The following MYH11 variants were observed in gnomAD, a reference collection of about 807,000 sequenced individuals.
MYH11 encodes the protein myosin heavy chain 11.
Under a neutral mutation model 246.6 loss-of-function variants are expected in MYH11, and 80 were observed. That is an observed-to-expected ratio of 0.32 (90% CI 0.27 to 0.39). The LOEUF is 0.39. Among genes scored for constraint, MYH11 ranks in the 10% least tolerant of loss-of-function variants. MYH11 has a pLI of 1.00. For synonymous variants in MYH11, 1,071 were observed against 1,015.5 expected (o/e 1.05, Z -1.04); for missense variants, 2,158 against 2,546.8 (o/e 0.85, Z 3.29).
intron 8 of MYH11, among the ~76,000 whole-genome samples, chr16:15,773,788 C>T (rs904632161): frequency 6.6e-6 from 1 of 152,290 alleles, no homozygotes; most frequent in South Asian, 2.1e-4. Context: ...AAGTCTAAAA[C>T]GTTTACTACT....
chr16:15,751,517 C>T (rs1482114641), intron 15 of MYH11, among the ~76,000 whole-genome samples: 1 of 151,746 alleles, frequency 6.6e-6, no homozygotes, highest in Non-Finnish European at 1.5e-5. Flanking sequence ...TCTTTTTCTA[C>T]CAGCCCAGCA....
rs540461703 is a variant in MYH11, at chr16:15,718,276, CAGT to C, written c.5295+36_5295+38del. Reference sequence around the variant, plus strand: ...GTGCAGGATCCTGCTGCAGGAGAGACAGTAGGCAGCGTGACTGTGGTGTCCAGG... The same window carrying C: ...GTGCAGGATCCTGCTGCAGGAGAGACAGGCAGCGTGACTGTGGTGTCCAGG... On this transcript the variant is annotated intron_variant, in intron 37 of 40. Coordinates refer to ENST00000300036, the MANE Select transcript of MYH11 (RefSeq NM_002474.3). 7.0e-5 allele frequency: 112 copies of C among 1,605,690 alleles called. No individual in the cohort carries two copies. In the African/African-American group the frequency reaches 1.3e-3, roughly 18 times the overall value.
intron 3 of MYH11, among the ~76,000 whole-genome samples, chr16:15,812,404 G>C (rs2043158229): frequency 6.6e-6 from 1 of 151,782 alleles, no homozygotes; most frequent in Non-Finnish European, 1.5e-5. Context: ...GCACCACGAA[G>C]ATAAACATCA....
chr16:15,834,242 A>G (rs772792521), intron 2 of MYH11, among the ~76,000 whole-genome samples: 6 of 151,938 alleles, frequency 3.9e-5, no homozygotes, highest in Non-Finnish European at 7.4e-5. Flanking sequence ...TATCCAACAT[A>G]CTGGCTGGGC....
intron 5 of MYH11, among the ~76,000 whole-genome samples, chr16:15,784,465 G>A (rs1171759419): frequency 6.6e-6 from 1 of 152,070 alleles, no homozygotes; most frequent in East Asian, 1.9e-4. Context: ...GCGCAACCCT[G>A]GGGACTCCAA....
chr16:15,741,411 T>C, intron 22 of MYH11, 52 bp downstream of exon 22: 7 of 1,575,812 alleles, frequency 4.4e-6, no homozygotes, highest in Non-Finnish European at 6.1e-6. Flanking sequence ...AGGCCTGTGG[T>C]GAGGGTCAAG....
intron 4 of MYH11, among the ~76,000 whole-genome samples, chr16:15,798,194 C>G (rs1268605967): frequency 6.6e-6 from 1 of 152,128 alleles, no homozygotes; most frequent in Non-Finnish European, 1.5e-5. Context: ...GCCTATGTAC[C>G]TAGGTCTTCA....
chr16:15,800,510 G>A lies in MYH11; in HGVS notation c.503-1823C>T, dbSNP rs149597731. 1.6e-4 allele frequency among the ~76,000 whole-genome samples: 25 copies of A among 151,870 alleles called. No homozygotes were observed. In the East Asian group the frequency reaches 2.0e-3, roughly 12 times the overall value. ...TAGCTGGTTGGACGGATGGTTGGAC[G>A]GAGGAGGGAAGGATGAGTGAGTGGA... is the stretch of plus-strand genomic sequence containing the variant. On this transcript the variant is annotated intron_variant, in intron 3 of 40. Transcript: ENST00000300036.
Position 15,750,328 on chromosome 16 carries a change from T to C in MYH11, c.1868A>G (p.Asp623Gly), listed in dbSNP as rs751232816. The C allele has an allele frequency of 1.3e-5, 20 of 1,599,354 alleles. No homozygotes were observed. In the East Asian group the frequency reaches 4.3e-4, roughly 34 times the overall value. ...KFVADLWKDVDRIVGLDQMAK... is the reference protein window; with the variant it reads ...KFVADLWKDVGRIVGLDQMAK... ...CATCTGGTCCAGGCCCACGATGCGG[T>C]CCACTATGGGGCACAGCCAGGGTGG... Residue 623 changes from aspartate to glycine, a missense_variant, in exon 16 of 41, where the codon GAC becomes GGC. By Grantham distance (94) the Asp-to-Gly change is moderately conservative (BLOSUM62 -1). Around this residue, in one of 11 missense-constraint regions of MYH11, gnomAD observed 317 missense variants for 507.7 expected, o/e 0.62. Coordinates refer to ENST00000300036, the MANE Select transcript of MYH11 (RefSeq NM_002474.3). The surrounding 1 kb of genome is among the most constrained non-coding windows in gnomAD (Gnocchi z 4.3).
chr16:15,832,342 G>A (rs1042324975), intron 2 of MYH11, among the ~76,000 whole-genome samples: 2 of 152,130 alleles, frequency 1.3e-5, no homozygotes, highest in African/African-American at 4.8e-5. Flanking sequence ...GGTATAGGGT[G>A]GAGGGTCCCA....
At chr16:15,845,987 T>A (rs1203856368) in intron 1 of MYH11, among the ~76,000 whole-genome samples, 1 of 152,028 alleles carries the variant, frequency 6.6e-6, no homozygotes, top group East Asian at 1.9e-4. Context: ...TAGCCCCAGC[T>A]ACTTGGGAGG....
At chr16:15,784,772 G>A in intron 5 of MYH11, 5 of 1,603,630 alleles carry the variant, frequency 3.1e-6, no homozygotes, top group Non-Finnish European at 4.3e-6. Context: ...TCCATCACAT[G>A]GACATCAGGG....
At chr16:15,782,334 G>A (rs755273602) in intron 6 of MYH11, 51 bp downstream of exon 6, 7 of 1,512,552 alleles carry the variant, frequency 4.6e-6, no homozygotes, top group Non-Finnish European at 6.4e-6. Context: ...GCCCCAGGCA[G>A]GAGATGACAC....
At chr16:15,814,720 G>A (rs1257396724) in intron 3 of MYH11, among the ~76,000 whole-genome samples, 2 of 151,962 alleles carry the variant, frequency 1.3e-5, no homozygotes, top group Non-Finnish European at 2.9e-5. Flanking sequence ...AGATCAAGGA[G>A]GAGACAAAAA....
At chr16:15,840,801 T>A (rs2044032440) in intron 1 of MYH11, among the ~76,000 whole-genome samples, 1 of 152,158 alleles carries the variant, frequency 6.6e-6, no homozygotes, top group Non-Finnish European at 1.5e-5. Flanking sequence ...ATTTGTCAAT[T>A]AAGAAATAAA....
intron 16 of MYH11, 104 bp from the exon 17 acceptor site, chr16:15,748,272 G>T: frequency 6.4e-7 from 1 of 1,564,996 alleles, no homozygotes; most frequent in Non-Finnish European, 8.6e-7. Flanking sequence ...GGCCATGAGG[G>T]TACCAACAGA....
intron 2 of MYH11, among the ~76,000 whole-genome samples, chr16:15,824,422 T>C (rs1205400307): frequency 2.0e-5 from 3 of 151,944 alleles, no homozygotes; most frequent in Admixed American, 1.3e-4. Context: ...GTACCACAGG[T>C]GTGCACAACC....
intron 14 of MYH11, among the ~76,000 whole-genome samples, chr16:15,754,094 G>C (rs1269278354): frequency 6.6e-6 from 1 of 151,696 alleles, no homozygotes; most frequent in African/African-American, 2.4e-5. Flanking sequence ...GTGCACACCT[G>C]TAATGCCAGC....
At chr16:15,793,693 C>T (rs577871296) in intron 4 of MYH11, among the ~76,000 whole-genome samples, 1 of 144,198 alleles carries the variant, frequency 6.9e-6, no homozygotes, top group African/African-American at 2.6e-5. Flanking sequence ...GATCTCAGCT[C>T]ACTGCAAGCT....
Sources: allele counts gnomAD v4.1 joint callset (sites outside exome capture counted in the v4.1 genomes callset), GRCh38; gene constraint gnomAD v4.1.1; regional missense constraint gnomAD v4.1.1; non-coding constraint Gnocchi (gnomAD v3.1); transcripts MANE v1.5; gene names NCBI Gene and HGNC (gene_info 2026-07-23, HGNC 2026-07-21).